The following CTNNA3 variants were observed in gnomAD, a reference collection of about 807,000 sequenced individuals.
The protein encoded by CTNNA3 is catenin alpha 3, also known as catenin alpha-3.
Under a neutral mutation model 95.7 loss-of-function variants are expected in CTNNA3, and 76 were observed. The observed-to-expected ratio is 0.79, with a 90% confidence interval of 0.66 to 0.96. The LOEUF (loss-of-function observed/expected upper bound fraction) is 0.96, where lower values mean the gene tolerates loss of function less well. Among genes scored for constraint, CTNNA3 ranks in the 40% least tolerant of loss-of-function variants. The pLI is 0.00. For synonymous variants in CTNNA3, 431 were observed against 374.4 expected, an observed-to-expected ratio of 1.15 and a Z score of -1.74; for missense variants, 1,191 against 1,089.8, an observed-to-expected ratio of 1.09 and a Z score of -1.31.
chr10:66,434,121 T>C (rs2093319501), intron 11 of CTNNA3, among the ~76,000 whole-genome samples: 1 of 151,852 alleles, frequency 6.6e-6, no homozygotes, highest in African/African-American at 2.4e-5. Context: ...GTCTTGGCTA[T>C]ATGGGCTCTT....
intron 1 of CTNNA3, among the ~76,000 whole-genome samples, chr10:67,736,150 C>T (rs1410450628): frequency 2.6e-5 from 4 of 152,024 alleles, no homozygotes; most frequent in African/African-American, 9.7e-5. Context: ...ATAACATGGA[C>T]AAACCTTGAT....
At chr10:67,647,714 C>T (rs1408853569) in intron 1 of CTNNA3, among the ~76,000 whole-genome samples, 196 bp from the exon 2 acceptor site, 4 of 152,168 alleles carry the variant, frequency 2.6e-5, no homozygotes, top group Non-Finnish European at 5.9e-5. Context: ...TGAGGTCATG[C>T]TGCCTGGGCT....
intron 10 of CTNNA3, among the ~76,000 whole-genome samples, chr10:66,597,904 G>A (rs1843780797): frequency 6.6e-6 from 1 of 151,794 alleles, no homozygotes; most frequent in Admixed American, 6.6e-5. Flanking sequence ...AACAAAAGAA[G>A]GTTAATTAGC....
At position 65,986,575 on chromosome 10, in the gene CTNNA3, A is replaced by G. The variant is rs554705628; in HGVS notation, c.2265+2117T>C. 2.6e-5 allele frequency among the ~76,000 whole-genome samples: 4 copies of G among 151,730 alleles called. No homozygotes were observed. In the South Asian group the frequency reaches 8.3e-4, roughly 31 times the overall value. ...TAAAAGAAATTGAAGAGGAGACAAA[A>G]AAAGATATCCTCTGTTCATGTATGG... On this transcript the variant is annotated intron_variant, in intron 16 of 17. Transcript: ENST00000433211.
At chr10:66,944,229 TTTG>T (rs1382946284) in intron 7 of CTNNA3, among the ~76,000 whole-genome samples, 1 of 152,224 alleles carries the variant, frequency 6.6e-6, no homozygotes, top group Non-Finnish European at 1.5e-5. Context: ...TTCTAAATCA[TTTG>T]TTATTATTTC....
intron 7 of CTNNA3, among the ~76,000 whole-genome samples, chr10:67,066,307 C>A (rs1856079711): frequency 6.6e-6 from 1 of 151,280 alleles, no homozygotes; most frequent in East Asian, 1.9e-4. Context: ...ATTCTCCTGC[C>A]TCAGCCTCCC....
intron 9 of CTNNA3, among the ~76,000 whole-genome samples, chr10:66,704,145 C>A (rs558976571): frequency 8.2e-4 from 125 of 152,104 alleles, no homozygotes; most frequent in African/African-American, 2.8e-3. Context: ...TAGCTGTATA[C>A]GGTGTTTTTC....
chr10:67,546,691 C>A (rs1311227766), intron 3 of CTNNA3, among the ~76,000 whole-genome samples: 3 of 152,138 alleles, frequency 2.0e-5, no homozygotes, highest in African/African-American at 7.2e-5. Context: ...TCCCAACAAC[C>A]TATTGACTGA....
chr10:66,735,034 T>C (rs1404346785), intron 9 of CTNNA3, among the ~76,000 whole-genome samples: 1 of 151,674 alleles, frequency 6.6e-6, no homozygotes, highest in Non-Finnish European at 1.5e-5. Context: ...TTTTTATCTT[T>C]TATTGATAAA....
intron 13 of CTNNA3, among the ~76,000 whole-genome samples, chr10:66,108,216 G>A (rs2081982986): frequency 6.6e-6 from 1 of 152,006 alleles, no homozygotes; most frequent in Admixed American, 6.6e-5. Flanking sequence ...AGAAAATTAA[G>A]ACATGGCCCT....
At chr10:66,878,538 T>G (rs1844716988) in intron 7 of CTNNA3, among the ~76,000 whole-genome samples, 2 of 152,102 alleles carry the variant, frequency 1.3e-5, no homozygotes, top group Non-Finnish European at 1.5e-5. Context: ...TGTCTTCCTT[T>G]TATTACTTTT....
intron 5 of CTNNA3, among the ~76,000 whole-genome samples, chr10:67,354,767 A>G (rs1160345878): frequency 6.6e-6 from 1 of 152,014 alleles, no homozygotes; most frequent in Non-Finnish European, 1.5e-5. Flanking sequence ...TTTCTTTAAA[A>G]CTGTATTTGA....
chr10:67,750,901 A>G (rs879135896), intron 1 of CTNNA3: 1 of 1,610,568 alleles, frequency 6.2e-7, no homozygotes, highest in South Asian at 1.1e-5. Flanking sequence ...GGGCATCACC[A>G]TTATGGCCTA....
At chr10:67,122,856 A>G (rs527794910) in intron 7 of CTNNA3, among the ~76,000 whole-genome samples, 2 of 152,264 alleles carry the variant, frequency 1.3e-5, no homozygotes, top group East Asian at 3.9e-4. Context: ...CTTACCATCA[A>G]TATTCCTACC....
At chr10:67,001,305 A>AG (rs1851676416) in intron 7 of CTNNA3, among the ~76,000 whole-genome samples, 1 of 150,940 alleles carries the variant, frequency 6.6e-6, no homozygotes, top group African/African-American at 2.4e-5. Context: ...GTCTAAAAAA[A>AG]AAAAAAAGAA....
At chr10:66,430,834 T>A (rs144982401) in intron 11 of CTNNA3, among the ~76,000 whole-genome samples, 5,516 of 152,216 alleles carry the variant, frequency 0.036, 353 homozygotes, top group East Asian at 0.23. Context: ...ATTCAGGACA[T>A]AGGCATGGGC....
At chr10:67,747,333 C>A (rs1216473421) in intron 1 of CTNNA3, among the ~76,000 whole-genome samples, 2 of 152,176 alleles carry the variant, frequency 1.3e-5, no homozygotes, top group South Asian at 2.1e-4. Flanking sequence ...ACAGGGGTCA[C>A]CGGACACCTT....
At chr10:67,403,194 C>T (rs1285269384) in intron 5 of CTNNA3, among the ~76,000 whole-genome samples, 2 of 152,222 alleles carry the variant, frequency 1.3e-5, no homozygotes, top group African/African-American at 4.8e-5. Context: ...TGTGGCCAGA[C>T]TACTTCTTTA....
At chr10:66,271,636 T>C (rs986806526) in intron 13 of CTNNA3, among the ~76,000 whole-genome samples, 5 of 152,180 alleles carry the variant, frequency 3.3e-5, no homozygotes, top group South Asian at 2.1e-4. Flanking sequence ...CACCTGGAGA[T>C]GTTTTCAAAG....
Sources: allele counts gnomAD v4.1 joint callset (sites outside exome capture counted in the v4.1 genomes callset), GRCh38; gene constraint gnomAD v4.1.1; transcripts MANE v1.5; gene names NCBI Gene and HGNC (gene_info 2026-07-23, HGNC 2026-07-21).